Variants in NPHS1 observed in about 807,000 individuals in gnomAD.
The protein encoded by NPHS1 is nephrin.
NPHS1 carries 107 observed loss-of-function variants against 139.7 expected under a neutral mutation model. The observed-to-expected ratio is 0.77, with a 90% CI of 0.66 to 0.90. The LOEUF (loss-of-function observed/expected upper bound fraction) is 0.90. Among genes scored for constraint, NPHS1 ranks in the 40% least tolerant of loss-of-function variants. NPHS1 has a pLI of 0.00. For synonymous variants in NPHS1, 707 were observed against 706.6 expected (o/e 1.00, Z -0.01); for missense variants, 1,580 against 1,654.2 (o/e 0.96, Z 0.78).
chr19:35,830,978 G>A (rs1179749128), intron 27 of NPHS1, 22 bp from the exon 28 acceptor site: 4 of 1,606,346 alleles, frequency 2.5e-6, no homozygotes, highest in Non-Finnish European at 3.4e-6. Context: ...GTGGAAGGGA[G>A]ACACGATCAA....
chr19:35,849,749 C>T, intron 5 of NPHS1, 96 bp from the exon 6 acceptor site: 1 of 865,608 alleles, frequency 1.2e-6, no homozygotes, highest in East Asian at 2.5e-5. Flanking sequence ...GGTCCCCACA[C>T]CTGGTCTAAG....
At chr19:35,841,898 C>CCAT (rs1463055096) in intron 19 of NPHS1, 32 bp from the exon 20 acceptor site, 2 of 1,582,778 alleles carry the variant, frequency 1.3e-6, no homozygotes, top group Non-Finnish European at 1.7e-6. Context: ...ACTCACCCTT[C>CCAT]CATTCACCCA....
Position 35,849,560 on chromosome 19 carries a change from C to A in NPHS1, c.702G>T (p.Val234=). Residue 234 remains valine (V), a synonymous_variant, in exon 6 of 29, where the codon GTG becomes GTT. Coordinates refer to ENST00000378910, the MANE Select transcript of NPHS1 (RefSeq NM_004646.4). ...LEAPIKASFT[V]NVLFPPGPPV... Reference sequence around the variant, plus strand: ...CAGTTCTCCACTTACACAGAACATTCACGGTGAATGAGGCCTTGATGGGGG... The same window carrying A: ...CAGTTCTCCACTTACACAGAACATTAACGGTGAATGAGGCCTTGATGGGGG... The A allele has an allele frequency of 6.2e-7, 1 of 1,613,842 alleles. No homozygotes were observed. Among genetic ancestry groups the A allele is most frequent in the Non-Finnish European group, 8.5e-7 (1 of 1,179,758 alleles).
chr19:35,837,936 C>CT (rs1400423488), intron 22 of NPHS1, among the ~76,000 whole-genome samples: 2 of 89,696 alleles, frequency 2.2e-5, no homozygotes, highest in Non-Finnish European at 3.9e-5. Flanking sequence ...AGGTTATTCT[C>CT]TTAAAAAAAA....
chr19:35,832,331 C>T (rs941202971), intron 23 of NPHS1, among the ~76,000 whole-genome samples: 4 of 152,058 alleles, frequency 2.6e-5, no homozygotes, highest in Non-Finnish European at 5.9e-5. Flanking sequence ...ATCGCTTGAG[C>T]CTAGGAGCTC....
At chr19:35,848,601 C>T (rs747545498) in intron 9 of NPHS1, 36 bp downstream of exon 9, 57 of 1,611,666 alleles carry the variant, frequency 3.5e-5, no homozygotes. Flanking sequence ...TCAGCCCCCT[C>T]CATGCTCAGA....
At chr19:35,834,919 C>A (rs1303944151) in intron 23 of NPHS1, among the ~76,000 whole-genome samples, 1 of 149,800 alleles carries the variant, frequency 6.7e-6, no homozygotes, top group Non-Finnish European at 1.5e-5. Context: ...AAAAAAATGC[C>A]GAGTGCCGTA....
rs772562270 is a variant in NPHS1 at position 35,841,794 on chromosome 19, G to C, written c.2736C>G (p.Ala912=). The change falls in exon 20 of 29, where the codon GCC becomes GCG. Residue 912 remains alanine, a synonymous_variant. Coordinates refer to ENST00000378910, the MANE Select transcript of NPHS1 (RefSeq NM_004646.4). ...SLLTIANVSA[A]QDYALFTCTA... is the part of the protein sequence containing the mutation. ...TACATGTGAAGAGGGCGTAATCCTGGGCGGCAGACACGTTGGCAATGGTCA... is the reference window on the plus strand; with the variant it reads ...TACATGTGAAGAGGGCGTAATCCTGCGCGGCAGACACGTTGGCAATGGTCA... 1 of 1,614,130 alleles carries C rather than the reference G, an allele frequency of 6.2e-7. No homozygotes were observed.
In NPHS1 at chr19:35,849,369, G is replaced by A. The variant is rs762532138; in HGVS notation, c.713-6C>T. On this transcript the variant is annotated splice_region_variant and splice_polypyrimidine_tract_variant and intron_variant, in intron 6 of 28. Coordinates refer to ENST00000378910, the MANE Select transcript of NPHS1 (RefSeq NM_004646.4). ...GACAGGGGGTCCTGGAGGGACTGGG[G>A]GATATCAGTCACTCAGTGGGCCTGG... 6.2e-6 allele frequency: 10 copies of A among 1,610,532 alleles called. No homozygotes were observed. The highest frequency in any genetic ancestry group is 8.5e-6 in the Non-Finnish European group (10 of 1,178,920).
intron 17 of NPHS1, 145 bp from the exon 18 acceptor site, chr19:35,842,695 A>G (rs1973079563): frequency 1.3e-6 from 1 of 794,024 alleles, no homozygotes; most frequent in Admixed American, 2.1e-5. Flanking sequence ...CCTGTCATCC[A>G]TCTATCCATT....
chr19:35,851,743 C>T, intron 1 of NPHS1, 37 bp downstream of exon 1: 3 of 1,558,466 alleles, frequency 1.9e-6, no homozygotes, highest in Non-Finnish European at 2.6e-6. Flanking sequence ...AAATGGGGGC[C>T]ACTTGGCGCT....
intron 11 of NPHS1, 96 bp from the exon 12 acceptor site, chr19:35,846,290 C>T: frequency 7.8e-7 from 1 of 1,286,644 alleles, no homozygotes; most frequent in Non-Finnish European, 1.1e-6. Context: ...TGCCGCCAGC[C>T]CAAACAAAGC....
intron 5 of NPHS1, among the ~76,000 whole-genome samples, chr19:35,849,896 G>A (rs1251321138): frequency 6.6e-6 from 1 of 152,116 alleles, no homozygotes; most frequent in Non-Finnish European, 1.5e-5. Flanking sequence ...AGGTTCCCAT[G>A]AAGTTTTTTT....
chr19:35,831,947 G>A (rs1279720982), intron 23 of NPHS1, among the ~76,000 whole-genome samples, 185 bp from the exon 24 acceptor site: 1 of 152,168 alleles, frequency 6.6e-6, no homozygotes, highest in Non-Finnish European at 1.5e-5. Context: ...CTTAAGTCAA[G>A]CCATTAGCAA....
chr19:35,830,196 T>A (rs1333582590), intron 28 of NPHS1, among the ~76,000 whole-genome samples: 1 of 152,248 alleles, frequency 6.6e-6, no homozygotes, highest in Non-Finnish European at 1.5e-5. Context: ...CAGCCTCCTT[T>A]GCCGTCAGAT....
chr19:35,846,059 A>G lies in NPHS1; in HGVS notation c.1576T>C (p.Phe526Leu), dbSNP rs759687842. The change falls in exon 12 of 29, where the codon TTC (phenylalanine) becomes CTC (leucine). Residue 526 changes from phenylalanine to leucine, a missense_variant. Transcript: ENST00000378910. ...CTGAGCTGTCCAGCCTTGCACGTGA[A>G]CTTGGCCTGGTTGTCCGACGGCCCT... Reference protein sequence around the residue: ...VTGPSDNQAKFTCKAGQLSAS... With the variant: ...VTGPSDNQAKLTCKAGQLSAS... 13 of 1,596,106 alleles carry G rather than the reference A, an allele frequency of 8.1e-6. No homozygotes were observed. In the Middle Eastern group the frequency reaches 1.3e-3, roughly 162 times the overall value.
chr19:35,831,014 A>AC, intron 27 of NPHS1, 39 bp downstream of exon 27: 1 of 1,605,538 alleles, frequency 6.2e-7, no homozygotes, highest in South Asian at 1.1e-5. Context: ...CGTCGGGGGT[A>AC]CCTCTGAGTG....
rs1456778149 is a variant in NPHS1, at chr19:35,848,326, G to A, written c.1242C>T (p.Thr414=). 6.2e-7 allele frequency: 1 copy of A among 1,614,118 alleles called. No homozygotes were observed. Among genetic ancestry groups the A allele is most frequent in the Non-Finnish European group, 8.5e-7 (1 of 1,180,010 alleles). The change falls in exon 10 of 29, where the codon ACC becomes ACT. Residue 414 remains threonine, a synonymous_variant. Coordinates refer to ENST00000378910, the MANE Select transcript of NPHS1 (RefSeq NM_004646.4). ...FLARREDNGL[T]LTCEAFSEAF... is the part of the protein sequence containing the mutation. ...CTTCACTGAAGGCCTCACATGTGAGGGTCAGACCGTTGTCCTCCCGCCGCG... is the reference window on the plus strand; with the variant it reads ...CTTCACTGAAGGCCTCACATGTGAGAGTCAGACCGTTGTCCTCCCGCCGCG...
At position 35,831,350 on chromosome 19, in the gene NPHS1, C is replaced by T. The variant is rs1972879372; in HGVS notation, c.3333G>A (p.Arg1111=). ...TCCACTGGCTCTCCTCATATTCGTT[C>T]CTGACTCGGTCCTCTTCCGACCTTC... ...TEAGSEEDRV[R]NEYEESQWTG... The change falls in exon 26 of 29, where the codon AGG becomes AGA. Residue 1111 remains arginine (R), a synonymous_variant. Coordinates refer to ENST00000378910, the MANE Select transcript of NPHS1 (RefSeq NM_004646.4). 1.2e-6 allele frequency: 2 copies of T among 1,614,058 alleles called. No homozygotes were observed. Among genetic ancestry groups the T allele is most frequent in the Admixed American group, 1.7e-5 (1 of 59,994 alleles).
Sources: gnomAD v4.1 joint callset for allele counts (sites outside exome capture counted in the v4.1 genomes callset) on GRCh38, gnomAD v4.1.1 for gene constraint, MANE v1.5 for transcripts, NCBI Gene and HGNC (gene_info 2026-07-23, HGNC 2026-07-21) for gene names.